The following EYS variants were observed in gnomAD, a reference collection of about 807,000 sequenced individuals.
The protein encoded by EYS is EGF-like photoreceptor maintenance factor.
EYS carries 250 observed loss-of-function variants against 282.1 expected under a neutral mutation model. The observed-to-expected ratio is 0.89, with a 90% CI of 0.80 to 0.98. The LOEUF (loss-of-function observed/expected upper bound fraction) is 0.98, where lower values mean the gene tolerates loss of function less well. EYS is among the 50% of genes least tolerant of loss of function. EYS has a pLI of 0.00. For synonymous variants in EYS, 1,355 were observed against 1,282.9 expected (o/e 1.06, Z -1.20); for missense variants, 4,016 against 3,709.0 (o/e 1.08, Z -2.15).
chr6:65,115,014 A>G (rs1368240044), intron 12 of EYS, among the ~76,000 whole-genome samples: 4 of 151,974 alleles, frequency 2.6e-5, no homozygotes, highest in East Asian at 3.9e-4. Flanking sequence ...GATTTTACTT[A>G]ATAAATAATC....
In EYS at chr6:65,353,527, T is replaced by C. The variant is rs766809278; in HGVS notation, c.1390A>G (p.Thr464Ala). Residue 464 changes from threonine (T) to alanine (A), a missense_variant, in exon 9 of 43, where the codon ACC becomes GCC. Physicochemically the swap from Thr to Ala is moderately conservative, Grantham distance 58. Transcript: ENST00000503581. ...IHQHLCYCGV[T>A]FHGICQDKGP... is the part of the protein sequence containing the mutation. ...TTATCTTGGCAAATACCATGGAAGG[T>C]GACTCCACAGTAGCAGAGGTGTTGA... The C allele has an allele frequency of 6.2e-7, 1 of 1,613,036 alleles. No homozygotes were observed. The highest frequency in any genetic ancestry group is 8.5e-7 in the Non-Finnish European group (1 of 1,179,322).
chr6:65,228,361 T>A (rs1282308261), intron 12 of EYS, among the ~76,000 whole-genome samples: 1 of 152,094 alleles, frequency 6.6e-6, no homozygotes, highest in Non-Finnish European at 1.5e-5. Context: ...ATGGTTATAA[T>A]ATTTCAGTAA....
intron 36 of EYS, among the ~76,000 whole-genome samples, chr6:63,856,901 T>C (rs1772408490): frequency 6.6e-6 from 1 of 152,194 alleles, no homozygotes; most frequent in African/African-American, 2.4e-5. Context: ...TAAGAGTTTA[T>C]GAACAAAATC....
At chr6:64,890,944 A>G (rs1294883201) in intron 18 of EYS, among the ~76,000 whole-genome samples, 1 of 152,008 alleles carries the variant, frequency 6.6e-6, no homozygotes, top group African/African-American at 2.4e-5. Context: ...CTTACTTTCT[A>G]CACTACTCCT....
At chr6:65,704,075 G>A (rs1157933033) in intron 1 of EYS, among the ~76,000 whole-genome samples, 2 of 152,146 alleles carry the variant, frequency 1.3e-5, no homozygotes, top group Non-Finnish European at 2.9e-5. Context: ...AGTAAACGCT[G>A]ATATAAAAAA....
At chr6:64,576,469 T>A (rs1410665804) in intron 26 of EYS, among the ~76,000 whole-genome samples, 1 of 152,014 alleles carries the variant, frequency 6.6e-6, no homozygotes, top group Admixed American at 6.6e-5. Context: ...AAAAATAACA[T>A]CTGTCCAGGG....
At chr6:65,279,194 A>AAG (rs1768149025) in intron 12 of EYS, among the ~76,000 whole-genome samples, 1 of 150,716 alleles carries the variant, frequency 6.6e-6, no homozygotes, top group Admixed American at 6.6e-5. Context: ...GGCTCTATAA[A>AAG]AAAAAATAAT....
chr6:65,691,795 C>A lies in EYS; in HGVS notation c.-448+15340G>T, dbSNP rs147403340. Among the ~76,000 whole-genome samples the A allele has an allele frequency of 7.0e-3, 1,052 of 150,418 alleles. 40 individuals are homozygous for A. The highest frequency in any genetic ancestry group is 0.024 in the African/African-American group (1,004 of 41,316). ...GATGGGGTCCATTTTCAGCTTTCCACATATGGCTAGCCAATTTTCCCAACA... is the reference window on the plus strand; with the variant it reads ...GATGGGGTCCATTTTCAGCTTTCCAAATATGGCTAGCCAATTTTCCCAACA... On this transcript the variant is annotated intron_variant, in intron 1 of 42. Coordinates refer to ENST00000503581, the MANE Select transcript of EYS (RefSeq NM_001142800.2).
chr6:65,217,939 G>A (rs995316795), intron 12 of EYS, among the ~76,000 whole-genome samples: 1 of 152,010 alleles, frequency 6.6e-6, no homozygotes, highest in Non-Finnish European at 1.5e-5. Context: ...AGAAGCAAGA[G>A]TAGAAGCACT....
At chr6:64,736,519 G>C (rs184320405) in intron 22 of EYS, among the ~76,000 whole-genome samples, 5 of 152,124 alleles carry the variant, frequency 3.3e-5, no homozygotes, top group Admixed American at 3.3e-4. Flanking sequence ...AAGTATTTTT[G>C]CTAGAATCAT....
At chr6:65,515,366 T>A (rs1197372754) in intron 2 of EYS, among the ~76,000 whole-genome samples, 1 of 152,108 alleles carries the variant, frequency 6.6e-6, no homozygotes, top group African/African-American at 2.4e-5. Context: ...GTTCAACCAT[T>A]GTGGAAGTTG....
rs1205841136 is a variant in EYS, at chr6:64,214,924, T to A, written c.6424+15668A>T. Among the ~76,000 whole-genome samples, 3 of 151,988 alleles carry A rather than the reference T, an allele frequency of 2.0e-5. No homozygotes were observed. In the East Asian group the frequency reaches 5.8e-4, roughly 29 times the overall value. ...TAATATATATGTAAAATTATGCAAA[T>A]CTGATTGAGATAATAAGTAAAATTT... On this transcript the variant is annotated intron_variant, in intron 31 of 42. Coordinates refer to ENST00000503581, the MANE Select transcript of EYS (RefSeq NM_001142800.2).
At chr6:65,544,483 G>T (rs752681091) in intron 2 of EYS, among the ~76,000 whole-genome samples, 1 of 152,124 alleles carries the variant, frequency 6.6e-6, no homozygotes, top group African/African-American at 2.4e-5. Context: ...AGTTATCATA[G>T]ATCTGATGGT....
At chr6:63,989,507 C>A (rs1767515777) in intron 34 of EYS, among the ~76,000 whole-genome samples, 1 of 151,358 alleles carries the variant, frequency 6.6e-6, no homozygotes, top group Admixed American at 6.6e-5. Context: ...CTTACTTTTC[C>A]CTAAAGTATA....
At chr6:64,619,169 C>T (rs1303821451) in intron 23 of EYS, among the ~76,000 whole-genome samples, 1 of 152,128 alleles carries the variant, frequency 6.6e-6, no homozygotes, top group Non-Finnish European at 1.5e-5. Flanking sequence ...TAGTTATACA[C>T]ATTTATTACA....
chr6:65,617,739 T>C (rs12210732), intron 2 of EYS, among the ~76,000 whole-genome samples: 49,757 of 138,034 alleles, frequency 0.36, 10,821 homozygotes, highest in Non-Finnish European at 0.49. Context: ...AGTGTGATGT[T>C]CCCCTTCCTG....
rs566517064 is a variant in EYS at position 63,954,492 on chromosome 6, G to T, written c.7055+29891C>A. Among the ~76,000 whole-genome samples the T allele has an allele frequency of 2.6e-5, 4 of 152,222 alleles. No homozygotes were observed. In the South Asian group the frequency reaches 8.3e-4, roughly 32 times the overall value. On this transcript the variant is annotated intron_variant, in intron 35 of 42. Transcript: ENST00000503581. Reference sequence around the variant, plus strand: ...GGGCAGAAAGAAATTTCCTCACTATGTAAGGGTCCCCCATCATTAATGCCT... The same window carrying T: ...GGGCAGAAAGAAATTTCCTCACTATTTAAGGGTCCCCCATCATTAATGCCT...
intron 35 of EYS, among the ~76,000 whole-genome samples, chr6:63,969,534 C>T (rs1766458047): frequency 6.6e-6 from 1 of 152,036 alleles, no homozygotes; most frequent in African/African-American, 2.4e-5. Context: ...TTATAGAATC[C>T]TTCAATAACC....
At chr6:64,186,248 TACACACACACACACACACACAC>T (rs34727951) in intron 31 of EYS, among the ~76,000 whole-genome samples, 1 of 146,968 alleles carries the variant, frequency 6.8e-6, no homozygotes, top group Non-Finnish European at 1.5e-5. Flanking sequence ...ATGTGTGTTT[TACACACACACACACACACACAC>T]ACACACACAC....
Sources: allele counts gnomAD v4.1 joint callset (sites outside exome capture counted in the v4.1 genomes callset), GRCh38; gene constraint gnomAD v4.1.1; transcripts MANE v1.5; gene names NCBI Gene and HGNC (gene_info 2026-07-23, HGNC 2026-07-21).